The following PRELID2 variants were observed in gnomAD, a reference collection of about 807,000 sequenced individuals.
The protein encoded by PRELID2 is PRELI domain-containing protein 2.
Under a neutral mutation model 28.4 loss-of-function variants are expected in PRELID2, and 25 were observed. The ratio of observed to expected loss-of-function variants is 0.88; its 90% CI spans 0.64 to 1.23. The LOEUF is 1.23. Ranked by LOEUF, PRELID2 falls within the 50% of genes most tolerant of loss-of-function variation. The probability of loss-of-function intolerance (pLI) is 0.00; values close to 1 mark genes in which losing one functional copy is unlikely to be tolerated. For missense variants in PRELID2, 201 were observed against 214.4 expected, an observed-to-expected ratio of 0.94 and a Z score of 0.39; for synonymous variants, 76 against 71.6, an observed-to-expected ratio of 1.06 and a Z score of -0.31.
At chr5:145,362,622 C>T in the PRELID2 span, among the ~76,000 whole-genome samples, 1 of 152,036 alleles carries the variant, frequency 6.6e-6, no homozygotes, top group African/African-American at 2.4e-5. Flanking sequence ...GAAAATAAAA[C>T]AAATCTTACA....
the PRELID2 span, among the ~76,000 whole-genome samples, chr5:145,457,214 A>C: frequency 7.2e-5 from 11 of 152,324 alleles, 1 homozygote; most frequent in South Asian, 2.3e-3. Context: ...CTTACTCTCC[A>C]TGTGACACTA....
chr5:145,387,499 A>G, the PRELID2 span, among the ~76,000 whole-genome samples: 1 of 152,216 alleles, frequency 6.6e-6, no homozygotes, highest in Non-Finnish European at 1.5e-5. Context: ...ACTTGTTCAC[A>G]TTCTGTTTCC....
intron 1 of PRELID2, among the ~76,000 whole-genome samples, chr5:145,623,457 T>A (rs11951203): frequency 0.74 from 107,613 of 144,934 alleles, 42,299 homozygotes; most frequent in Non-Finnish European, 0.88. Flanking sequence ...CAAAAAAAAA[T>A]AAATAAATAA....
the PRELID2 span, chr5:145,230,097 TC>T: frequency 2.7e-5 from 17 of 628,628 alleles, no homozygotes; most frequent in Non-Finnish European, 4.5e-5. Flanking sequence ...AATTTGCAGA[TC>T]CCCCAAGTAC....
intron 1 of PRELID2, among the ~76,000 whole-genome samples, chr5:145,567,493 T>G (rs1247773934): frequency 6.6e-6 from 1 of 152,192 alleles, no homozygotes; most frequent in Non-Finnish European, 1.5e-5. Context: ...TTCTCCTGCC[T>G]CAGCCTCCCA....
At chr5:145,311,536 A>G in the PRELID2 span, among the ~76,000 whole-genome samples, 38 of 152,282 alleles carry the variant, frequency 2.5e-4, no homozygotes, top group Non-Finnish European at 3.2e-4. Context: ...GACTCAGGGC[A>G]TGGCCTTGAT....
intron 1 of PRELID2, among the ~76,000 whole-genome samples, chr5:145,637,933 C>T (rs1754029845): frequency 6.6e-6 from 1 of 151,906 alleles, no homozygotes; most frequent in Non-Finnish European, 1.5e-5. Context: ...GCCTCTGCCT[C>T]CCAAATAGCT....
chr5:145,411,787 C>T, the PRELID2 span, among the ~76,000 whole-genome samples: 7 of 152,346 alleles, frequency 4.6e-5, no homozygotes, highest in Admixed American at 4.6e-4. Context: ...CTGTATCAAA[C>T]TTTGGCCTGG....
At chr5:145,816,345 G>C (rs545624253) in intron 4 of PRELID2, among the ~76,000 whole-genome samples, 2 of 151,942 alleles carry the variant, frequency 1.3e-5, no homozygotes, top group Non-Finnish European at 2.9e-5. Context: ...GCCTCCCAAA[G>C]TGCTAGGATT....
intron 5 of PRELID2, among the ~76,000 whole-genome samples, chr5:145,781,474 A>G (rs924813470): frequency 6.6e-6 from 1 of 151,918 alleles, no homozygotes; most frequent in Non-Finnish European, 1.5e-5. Context: ...CCTGTAAGTA[A>G]TGATGCCTTT....
intron 1 of PRELID2, among the ~76,000 whole-genome samples, chr5:145,669,430 C>G (rs536727652): frequency 6.6e-6 from 1 of 152,036 alleles, no homozygotes; most frequent in Non-Finnish European, 1.5e-5. Context: ...ATTATCAACC[C>G]AGAGACACTG....
At chr5:145,760,563 A>T (rs1757426517) in intron 6 of PRELID2, 38 bp from the exon 7 acceptor site, 1 of 152,190 alleles carries the variant, frequency 6.6e-6, no homozygotes, top group Admixed American at 6.5e-5. Context: ...CACCTCATAA[A>T]CATGTCTCAC....
At chr5:145,546,005 A>G (rs906736126) in intron 1 of PRELID2, among the ~76,000 whole-genome samples, 5 of 152,164 alleles carry the variant, frequency 3.3e-5, no homozygotes, top group African/African-American at 1.2e-4. Flanking sequence ...AAATGGAAAT[A>G]AGGTCCATTA....
At chr5:145,831,561 T>C (rs1755588654) in intron 1 of PRELID2, among the ~76,000 whole-genome samples, 1 of 152,188 alleles carries the variant, frequency 6.6e-6, no homozygotes. Context: ...AGGGGAAAAT[T>C]CACCCAGCAA....
intron 2 of PRELID2, among the ~76,000 whole-genome samples, chr5:145,821,222 T>G (rs1754790799): frequency 7.1e-6 from 1 of 140,994 alleles, no homozygotes; most frequent in Admixed American, 7.0e-5. Context: ...TCCTCTTCTG[T>G]GTGTGTGTAT....
chr5:145,713,338 T>A (rs1224385214), intron 1 of PRELID2, among the ~76,000 whole-genome samples: 1 of 117,826 alleles, frequency 8.5e-6, no homozygotes, highest in South Asian at 3.0e-4. Context: ...ACTCTAAGAA[T>A]GATATCTGAC....
chr5:145,743,279 G>A (rs1208111020), intron 1 of PRELID2, among the ~76,000 whole-genome samples: 4 of 151,674 alleles, frequency 2.6e-5, no homozygotes, highest in East Asian at 3.9e-4. Context: ...GCATGATGGC[G>A]GCATGCCTGT....
At chr5:145,693,388 T>TCTGC in intron 1 of PRELID2, among the ~76,000 whole-genome samples, 1 of 151,908 alleles carries the variant, frequency 6.6e-6, no homozygotes, top group African/African-American at 2.4e-5. Flanking sequence ...GCTCAAGCAA[T>TCTGC]CCACCTGCCT....
At chr5:145,628,633 A>G (rs1753888982) in intron 1 of PRELID2, among the ~76,000 whole-genome samples, 4 of 152,102 alleles carry the variant, frequency 2.6e-5, no homozygotes, top group Admixed American at 2.0e-4. Context: ...TGAGAAATGT[A>G]TTCTTAATGA....
Sources: gnomAD v4.1 joint callset for allele counts (sites outside exome capture counted in the v4.1 genomes callset) on GRCh38, gnomAD v4.1.1 for gene constraint, MANE v1.5 for transcripts, NCBI Gene and HGNC (gene_info 2026-07-23, HGNC 2026-07-21) for gene names.